The following IPO9 variants were observed in gnomAD, a reference collection of about 807,000 sequenced individuals.
IPO9 encodes importin-9.
Under a neutral mutation model 128.6 loss-of-function variants are expected in IPO9, and 28 were observed. The ratio of observed to expected loss-of-function variants is 0.22; its 90% CI spans 0.16 to 0.30. The LOEUF is 0.30. Ranked by LOEUF, IPO9 falls within the 10% of genes least tolerant of loss-of-function variation. IPO9 has a pLI of 1.00. For missense variants in IPO9, 935 were observed against 1,293.9 expected, an observed-to-expected ratio of 0.72 and a Z score of 4.26; for synonymous variants, 455 against 475.8, an observed-to-expected ratio of 0.96 and a Z score of 0.57.
chr1:201,872,173 C>T (rs1369760251), intron 19 of IPO9, among the ~76,000 whole-genome samples: 23 of 152,140 alleles, frequency 1.5e-4, no homozygotes, highest in Admixed American at 1.2e-3. Context: ...AGGCAGATCA[C>T]GCCATTGCAC....
At position 201,858,866 on chromosome 1, in the gene IPO9, A is replaced by T. The variant is rs1168274966; in HGVS notation, c.1340A>T (p.His447Leu). 6.2e-7 allele frequency: 1 copy of T among 1,603,422 alleles called. No homozygotes were observed. Among genetic ancestry groups the T allele is most frequent in the Non-Finnish European group, 8.5e-7 (1 of 1,171,284 alleles). The change falls in exon 13 of 24, where the codon CAT (histidine) becomes CTT (leucine). Residue 447 changes from histidine (H) to leucine (L), a missense_variant. By Grantham distance (99) the His-to-Leu change is moderately conservative. Coordinates refer to ENST00000361565, the MANE Select transcript of IPO9 (RefSeq NM_018085.5). ...NSGTEHWWKI[H>L]EACMLALGSV... ...GTATCCTTTCACAGGTGGAAGATCC[A>T]TGAGGCATGCATGCTTGCCCTAGGC...
chr1:201,856,669 TTTGTTG>T (rs145657297), intron 10 of IPO9, among the ~76,000 whole-genome samples: 1 of 151,906 alleles, frequency 6.6e-6, no homozygotes, highest in Admixed American at 6.6e-5. Flanking sequence ...TGTTTCAGTT[TTTGTTG>T]TTGTTGTTGT....
chr1:201,850,835 A>T (rs983795666), intron 4 of IPO9: 1 of 152,140 alleles, frequency 6.6e-6, no homozygotes, highest in Non-Finnish European at 1.5e-5. Context: ...TTTATCCTTG[A>T]GGAGGAAATT....
Position 201,854,888 on chromosome 1 carries a change from T to G in IPO9, c.876T>G (p.Pro292=). The G allele has an allele frequency of 6.2e-7, 1 of 1,610,926 alleles. No individual in the cohort carries two copies. The highest frequency in any genetic ancestry group is 8.5e-7 in the Non-Finnish European group (1 of 1,179,094). The part of the protein sequence containing the change: ...HMVSSMQQIL[P]IVWNTLTESA... The stretch of plus-strand genomic sequence containing the variant: ...TGTCCTCCATGCAGCAGATTCTGCC[T>G]ATTGTTTGGAACACCCTAACCGAGA... Residue 292 remains proline (P), a synonymous_variant, in exon 8 of 24, where the codon CCT becomes CCG. Coordinates refer to ENST00000361565, the MANE Select transcript of IPO9 (RefSeq NM_018085.5).
chr1:201,876,323 G>A lies in IPO9; in HGVS notation c.*269G>A. ...TCTCCCCGACTCTACCCCCACCTCT[G>A]TTCCTAGAGCCCTCTGCTGGCGAGT... On this transcript the variant is annotated 3_prime_UTR_variant, in exon 24 of 24. Coordinates refer to ENST00000361565, the MANE Select transcript of IPO9 (RefSeq NM_018085.5). 3 of 568,894 alleles carry A rather than the reference G, an allele frequency of 5.3e-6. No individual in the cohort carries two copies. The South Asian group carries it at 5.6e-5, about 11-fold the overall frequency. The allele number at this position is 568,894 out of a possible 1,614,324, so 35.2% of individuals were successfully genotyped here.
intron 1 of IPO9, among the ~76,000 whole-genome samples, chr1:201,835,804 A>T (rs769888342): frequency 6.7e-4 from 102 of 152,180 alleles, no homozygotes; most frequent in Non-Finnish European, 1.4e-3. Context: ...TCATATTTTT[A>T]AAGACATTGT....
intron 13 of IPO9, among the ~76,000 whole-genome samples, chr1:201,862,066 C>T (rs966693863): frequency 5.9e-5 from 9 of 152,146 alleles, no homozygotes; most frequent in Admixed American, 2.0e-4. Flanking sequence ...CCTTGAATAA[C>T]GTGATGACTA....
intron 1 of IPO9, among the ~76,000 whole-genome samples, chr1:201,829,936 A>G (rs540331467): frequency 3.3e-5 from 5 of 152,230 alleles, no homozygotes; most frequent in Non-Finnish European, 7.3e-5. Context: ...CGATTGCTTC[A>G]CTGTCCTGAC....
At chr1:201,832,734 T>C (rs886263034) in intron 1 of IPO9, among the ~76,000 whole-genome samples, 6 of 152,226 alleles carry the variant, frequency 3.9e-5, no homozygotes, top group Non-Finnish European at 7.3e-5. Context: ...TTGTGAGCTG[T>C]TTATTAGTCC....
chr1:201,862,393 G>A (rs1422219407), intron 13 of IPO9, among the ~76,000 whole-genome samples: 13 of 152,092 alleles, frequency 8.5e-5, no homozygotes, highest in East Asian at 5.8e-4. Flanking sequence ...GGGAAGCAGC[G>A]GTTACAGTGA....
At chr1:201,858,670 A>G in intron 12 of IPO9, 117 bp downstream of exon 12, 2 of 822,586 alleles carry the variant, frequency 2.4e-6, no homozygotes, top group Non-Finnish European at 3.7e-6. Flanking sequence ...TTAATAACAG[A>G]TTTTAATCTC....
chr1:201,858,846 C>CT lies in IPO9; in HGVS notation c.1329-6dup. 6.3e-7 allele frequency: 1 copy of CT among 1,590,866 alleles called. No individual in the cohort carries two copies. Among genetic ancestry groups the CT allele is most frequent in the Non-Finnish European group, 8.6e-7 (1 of 1,161,018 alleles). ...GTATGTTTTACTAGGCTGTAGTATC[C>CT]TTTCACAGGTGGAAGATCCATGAGG... On this transcript the variant is annotated splice_polypyrimidine_tract_variant and intron_variant, in intron 12 of 23. Coordinates refer to ENST00000361565, the MANE Select transcript of IPO9 (RefSeq NM_018085.5).
intron 5 of IPO9, among the ~76,000 whole-genome samples, chr1:201,852,788 T>C (rs1485245148): frequency 6.6e-6 from 1 of 152,152 alleles, no homozygotes; most frequent in Non-Finnish European, 1.5e-5. Flanking sequence ...TTATATAAGG[T>C]TCATTCCAGT....
At chr1:201,849,840 T>G (rs1390961821) in intron 4 of IPO9, among the ~76,000 whole-genome samples, 1 of 152,244 alleles carries the variant, frequency 6.6e-6, no homozygotes, top group Non-Finnish European at 1.5e-5. Flanking sequence ...GCTCAGATTT[T>G]GACTTCTCTG....
intron 1 of IPO9, among the ~76,000 whole-genome samples, chr1:201,846,348 C>T (rs1161852214): frequency 6.6e-6 from 1 of 152,086 alleles, no homozygotes; most frequent in East Asian, 1.9e-4. Context: ...ATAGATGGTC[C>T]CATGATATTT....
At position 201,877,462 on chromosome 1, in the gene IPO9, C is replaced by G. The variant is rs948456882; in HGVS notation, c.*1408C>G. The G allele has an allele frequency of 1.3e-5, 2 of 151,868 alleles. No individual in the cohort carries two copies. The highest frequency in any genetic ancestry group is 2.4e-5 in the African/African-American group (1 of 41,366). The allele number at this position is 151,868 out of a possible 1,614,324, so 9.4% of individuals were successfully genotyped here. A position where few individuals can be genotyped will look rare whatever the true frequency, so the allele number is the denominator to read the frequency against. On this transcript the variant is annotated 3_prime_UTR_variant, in exon 24 of 24. Coordinates refer to ENST00000361565, the MANE Select transcript of IPO9 (RefSeq NM_018085.5). Reference sequence around the variant, plus strand: ...AGGTTGCAGTGAACCGATATCACACCGTTGCATTCCAAGGCAAGACTCAAT... The same window carrying G: ...AGGTTGCAGTGAACCGATATCACACGGTTGCATTCCAAGGCAAGACTCAAT...
At chr1:201,862,058 T>A (rs1203496923) in intron 13 of IPO9, among the ~76,000 whole-genome samples, 1 of 152,208 alleles carries the variant, frequency 6.6e-6, no homozygotes, top group Non-Finnish European at 1.5e-5. Context: ...TTAGGGAGCC[T>A]TGAATAACGT....
rs1254330088 is a variant in IPO9 at position 201,875,208 on chromosome 1, C to G, written c.2995C>G (p.Leu999Val). The change falls in exon 23 of 24, where the codon CTC becomes GTC. Residue 999 changes from leucine (L) to valine (V), a missense_variant. By Grantham distance (32) the Leu-to-Val change is conservative. Transcript: ENST00000361565. The part of the protein sequence containing the change: ...EDDPDALKDP[L>V]YQIDLQAYLT... ...TGACCCTGATGCCCTGAAGGATCCT[C>G]TCTATCAGATTGATCTGCAGGTGAG... is the stretch of plus-strand genomic sequence containing the variant. 1 of 1,614,038 alleles carries G rather than the reference C, an allele frequency of 6.2e-7. No homozygotes were observed. The highest frequency in any genetic ancestry group is 1.7e-5 in the Admixed American group (1 of 60,030).
chr1:201,841,872 A>G (rs1355787212), intron 1 of IPO9, among the ~76,000 whole-genome samples: 2 of 152,240 alleles, frequency 1.3e-5, no homozygotes, highest in Non-Finnish European at 2.9e-5. Context: ...ATAGGTATAA[A>G]TAAATATTAG....
Sources: allele counts gnomAD v4.1 joint callset (sites outside exome capture counted in the v4.1 genomes callset), GRCh38; gene constraint gnomAD v4.1.1; transcripts MANE v1.5; gene names NCBI Gene and HGNC (gene_info 2026-07-23, HGNC 2026-07-21).